Variants in AGTPBP1 observed in about 807,000 individuals in gnomAD.
AGTPBP1 encodes ATP/GTP binding carboxypeptidase 1, also known as cytosolic carboxypeptidase 1.
In AGTPBP1, 70 loss-of-function variants were observed where a neutral mutation model predicts 143.9. That is an observed-to-expected ratio of 0.49 (90% CI 0.40 to 0.59). AGTPBP1 has a LOEUF of 0.59. AGTPBP1 is among the 20% of genes least tolerant of loss of function. The pLI is 0.00. For missense variants in AGTPBP1, 1,229 were observed against 1,464.5 expected, an observed-to-expected ratio of 0.84 and a Z score of 2.62; for synonymous variants, 463 against 500.2, an observed-to-expected ratio of 0.93 and a Z score of 0.99.
intron 25 of AGTPBP1, among the ~76,000 whole-genome samples, chr9:85,551,773 C>A (rs761633594): frequency 8.5e-5 from 13 of 152,088 alleles, no homozygotes; most frequent in Non-Finnish European, 1.8e-4. Flanking sequence ...ACATTATTTC[C>A]TATGATTCTC....
At chr9:85,644,806 C>CTA (rs1281321510) in intron 12 of AGTPBP1, among the ~76,000 whole-genome samples, 1 of 151,882 alleles carries the variant, frequency 6.6e-6, no homozygotes, top group Non-Finnish European at 1.5e-5. Flanking sequence ...AATACCCCCA[C>CTA]TATGATGTAG....
chr9:85,665,734 A>G (rs1251478353), intron 8 of AGTPBP1, among the ~76,000 whole-genome samples: 1 of 152,114 alleles, frequency 6.6e-6, no homozygotes, highest in African/African-American at 2.4e-5. Context: ...TTTATTTTTC[A>G]ACACTGGAAA....
chr9:85,722,343 A>G (rs1164890193), intron 1 of AGTPBP1, among the ~76,000 whole-genome samples: 1 of 152,172 alleles, frequency 6.6e-6, no homozygotes, highest in African/African-American at 2.4e-5. Flanking sequence ...ACATAGTCAC[A>G]TATTTCTTGG....
intron 2 of AGTPBP1, among the ~76,000 whole-genome samples, chr9:85,696,450 T>A (rs1018881441): frequency 2.0e-5 from 3 of 152,000 alleles, no homozygotes; most frequent in Non-Finnish European, 4.4e-5. Context: ...GGCAGATCGC[T>A]TGAGGTCGAG....
At chr9:85,597,641 G>A (rs1284511378) in intron 17 of AGTPBP1, among the ~76,000 whole-genome samples, 2 of 152,014 alleles carry the variant, frequency 1.3e-5, no homozygotes, top group African/African-American at 4.8e-5. Context: ...CCACACTTAG[G>A]TGGTAAATGC....
chr9:85,605,995 C>T (rs1347172167), intron 17 of AGTPBP1, among the ~76,000 whole-genome samples: 1 of 151,850 alleles, frequency 6.6e-6, no homozygotes, highest in Non-Finnish European at 1.5e-5. Context: ...GAAGAGAGGA[C>T]CACAAAACAA....
At chr9:85,576,268 A>G (rs957987997) in intron 24 of AGTPBP1, among the ~76,000 whole-genome samples, 1 of 152,154 alleles carries the variant, frequency 6.6e-6, no homozygotes, top group East Asian at 1.9e-4. Flanking sequence ...TTGCACCTAT[A>G]TAAGTTGTAG....
chr9:85,573,294 C>T (rs998957564), intron 25 of AGTPBP1, among the ~76,000 whole-genome samples: 1 of 152,186 alleles, frequency 6.6e-6, no homozygotes, highest in East Asian at 1.9e-4. Flanking sequence ...TTGGTGGAGA[C>T]GGGGTTTCGC....
the AGTPBP1 span, among the ~76,000 whole-genome samples, chr9:85,778,836 A>T: frequency 6.6e-6 from 1 of 152,134 alleles, no homozygotes; most frequent in African/African-American, 2.4e-5. Context: ...GGAGCAACCA[A>T]CCAGCTTCAT....
chr9:85,553,516 C>T (rs1826155268), intron 25 of AGTPBP1, among the ~76,000 whole-genome samples: 1 of 152,140 alleles, frequency 6.6e-6, no homozygotes, highest in African/African-American at 2.4e-5. Context: ...GTGTAGGAAA[C>T]GGGCTTCTAA....
chr9:85,714,148 C>T (rs1012194022), intron 1 of AGTPBP1, among the ~76,000 whole-genome samples: 1 of 152,124 alleles, frequency 6.6e-6, no homozygotes, highest in Non-Finnish European at 1.5e-5. Flanking sequence ...TAAAATAAAC[C>T]ACAGGCATTT....
the AGTPBP1 span, among the ~76,000 whole-genome samples, chr9:85,768,124 TG>T: frequency 1.3e-5 from 2 of 152,238 alleles, no homozygotes; most frequent in African/African-American, 4.8e-5. Context: ...TAGAGGGAAC[TG>T]CAAACACTGA....
intron 8 of AGTPBP1, among the ~76,000 whole-genome samples, chr9:85,668,182 T>C (rs915076966): frequency 6.6e-6 from 1 of 152,174 alleles, no homozygotes; most frequent in South Asian, 2.1e-4. Flanking sequence ...GAGTTCATTA[T>C]ATTATCCTCT....
chr9:85,740,949 A>C (rs72618146), intron 1 of AGTPBP1, among the ~76,000 whole-genome samples: 13,474 of 152,192 alleles, frequency 0.089, 1,272 homozygotes, highest in East Asian at 0.55. Context: ...TCCATTCTAC[A>C]ATGAGTAAAC....
chr9:85,592,155 A>G (rs943088984), intron 19 of AGTPBP1, among the ~76,000 whole-genome samples: 2 of 152,074 alleles, frequency 1.3e-5, no homozygotes, highest in Non-Finnish European at 2.9e-5. Flanking sequence ...CTGGTTAAAC[A>G]TGCAGAAATC....
At chr9:85,698,679 C>CTTTTTTTTTTTTTTTTTTT in intron 2 of AGTPBP1, among the ~76,000 whole-genome samples, 1 of 76,568 alleles carries the variant, frequency 1.3e-5, no homozygotes. Flanking sequence ...CCACCTAACC[C>CTTTTTTTTTTTTTTTTTTT]TTTTTTTTTT....
chr9:85,582,186 T>C (rs533169947), intron 23 of AGTPBP1, among the ~76,000 whole-genome samples: 3 of 152,330 alleles, frequency 2.0e-5, no homozygotes, highest in East Asian at 3.9e-4. Context: ...AAAATTAGAA[T>C]TGATGCAATA....
Position 85,725,203 on chromosome 9 carries a change from G to A in AGTPBP1, c.-33-12637C>T, listed in dbSNP as rs371226290. 3.3e-5 allele frequency among the ~76,000 whole-genome samples: 5 copies of A among 152,286 alleles called. No homozygotes were observed. In the East Asian group the frequency reaches 5.8e-4, roughly 18 times the overall value. ...GTTCAGTTTTTCTACAACAATGTATGAAGAGGTCCCAGAGTGTAAGGCAGG... is the reference window on the plus strand; with the variant it reads ...GTTCAGTTTTTCTACAACAATGTATAAAGAGGTCCCAGAGTGTAAGGCAGG... On this transcript the variant is annotated intron_variant, in intron 1 of 25. Coordinates refer to ENST00000357081, the MANE Select transcript of AGTPBP1 (RefSeq NM_001330701.2).
At chr9:85,730,103 T>G (rs1357078028) in intron 1 of AGTPBP1, among the ~76,000 whole-genome samples, 1 of 152,188 alleles carries the variant, frequency 6.6e-6, no homozygotes, top group Non-Finnish European at 1.5e-5. Context: ...ATTTCACAAT[T>G]AGACCAGAGG....
Sources: gnomAD v4.1 joint callset for allele counts (sites outside exome capture counted in the v4.1 genomes callset) on GRCh38, gnomAD v4.1.1 for gene constraint, MANE v1.5 for transcripts, NCBI Gene and HGNC (gene_info 2026-07-23, HGNC 2026-07-21) for gene names.